The following LUZP2 variants were observed in gnomAD, a reference collection of about 807,000 sequenced individuals.
The protein encoded by LUZP2 is leucine zipper protein 2.
A neutral mutation model predicts 51.6 loss-of-function variants in LUZP2; 52 were observed. The ratio of observed to expected loss-of-function variants is 1.01; its 90% CI spans 0.81 to 1.27. LUZP2 has a LOEUF of 1.27. LUZP2 is among the 50% of genes most tolerant of loss of function. The probability of loss-of-function intolerance (pLI) is 0.00; values close to 1 mark genes in which losing one functional copy is unlikely to be tolerated. For synonymous variants in LUZP2, 154 were observed against 137.3 expected (o/e 1.12, Z -0.85); for missense variants, 436 against 395.4 (o/e 1.10, Z -0.87).
chr11:24,566,164 CAA>C (rs1252045435), intron 1 of LUZP2, among the ~76,000 whole-genome samples: 4 of 151,386 alleles, frequency 2.6e-5, no homozygotes. Flanking sequence ...GCATAGAAGA[CAA>C]AGACTTCATG....
rs201645515 is a variant in LUZP2, at chr11:24,855,429, G to A, written c.397-50562G>A. ...TTAACCCAGAGGGTGAAATATCTCC[G>A]TAAGGAAACTACTAAAACTAATGAG... is the stretch of plus-strand genomic sequence containing the variant. On this transcript the variant is annotated intron_variant, in intron 5 of 11. Transcript: ENST00000336930. Among the ~76,000 whole-genome samples the A allele has an allele frequency of 1.4e-4, 22 of 152,222 alleles. No individual in the cohort carries two copies. In the East Asian group the frequency reaches 1.5e-3, roughly 11 times the overall value.
rs11028075 is a variant in LUZP2, at chr11:24,620,700, T to A, written c.63-108469T>A. ...TATCTGTGGACAGCTGCAAAGTAAG[T>A]CCTGTGAGAAACACCCATAAGTACA... On this transcript the variant is annotated intron_variant, in intron 1 of 11. Transcript: ENST00000336930. Among the ~76,000 whole-genome samples the A allele has an allele frequency of 4.9e-3, 750 of 152,278 alleles. 30 individuals are homozygous for A. The East Asian group carries it at 0.11, about 23-fold the overall frequency.
chr11:24,787,091 T>C (rs1455010399), intron 5 of LUZP2, among the ~76,000 whole-genome samples: 1 of 152,148 alleles, frequency 6.6e-6, no homozygotes, highest in East Asian at 1.9e-4. Flanking sequence ...TCTCCTGAAA[T>C]GATTTAAAAA....
At chr11:24,591,040 T>C (rs1383052561) in intron 1 of LUZP2, among the ~76,000 whole-genome samples, 2 of 152,080 alleles carry the variant, frequency 1.3e-5, no homozygotes, top group African/African-American at 4.8e-5. Context: ...ACCCAGGAGG[T>C]TGAGGTTACA....
chr11:24,911,440 A>C (rs1276118373), intron 6 of LUZP2, among the ~76,000 whole-genome samples: 1 of 152,088 alleles, frequency 6.6e-6, no homozygotes, highest in East Asian at 1.9e-4. Flanking sequence ...GGTGGGAGGT[A>C]ATTGAATTTT....
intron 1 of LUZP2, among the ~76,000 whole-genome samples, chr11:24,679,606 G>A (rs953118103): frequency 1.3e-5 from 2 of 151,912 alleles, no homozygotes; most frequent in African/African-American, 4.8e-5. Context: ...TAAAAGATAT[G>A]GTAAGATTAA....
chr11:25,065,620 T>A (rs1001794900), intron 10 of LUZP2, among the ~76,000 whole-genome samples: 1 of 152,060 alleles, frequency 6.6e-6, no homozygotes, highest in Non-Finnish European at 1.5e-5. Flanking sequence ...AAATCTCTTA[T>A]GTGAACAGCA....
intron 9 of LUZP2, among the ~76,000 whole-genome samples, chr11:25,031,115 G>A (rs1356310808): frequency 1.4e-5 from 2 of 144,626 alleles, no homozygotes; most frequent in African/African-American, 2.5e-5. Flanking sequence ...GAATTCAAGC[G>A]ATTCTTTGGC....
intron 10 of LUZP2, among the ~76,000 whole-genome samples, chr11:25,060,548 C>T (rs1032540513): frequency 6.6e-5 from 10 of 152,188 alleles, no homozygotes; most frequent in Non-Finnish European, 1.3e-4. Context: ...TCTTTATTCA[C>T]ATTGCTGTGA....
At chr11:24,826,041 C>T (rs531561391) in intron 5 of LUZP2, among the ~76,000 whole-genome samples, 22 of 150,846 alleles carry the variant, frequency 1.5e-4, no homozygotes, top group African/African-American at 4.9e-4. Context: ...GGCGCGGTGG[C>T]GGGCGCCTGT....
At chr11:24,823,980 G>A (rs532028458) in intron 5 of LUZP2, among the ~76,000 whole-genome samples, 10 of 150,328 alleles carry the variant, frequency 6.7e-5, no homozygotes, top group Middle Eastern at 3.6e-3. Flanking sequence ...GGAGAATGGC[G>A]TGAACCCAGG....
At chr11:24,606,316 G>A (rs945173626) in intron 1 of LUZP2, among the ~76,000 whole-genome samples, 1 of 151,816 alleles carries the variant, frequency 6.6e-6, no homozygotes, top group African/African-American at 2.4e-5. Flanking sequence ...AACAGGCTTT[G>A]GATTAAATGA....
chr11:24,931,380 G>T (rs1426551858), intron 7 of LUZP2, among the ~76,000 whole-genome samples: 2 of 152,062 alleles, frequency 1.3e-5, no homozygotes, highest in African/African-American at 4.8e-5. Flanking sequence ...GAAGGGATGG[G>T]TTGCCCCTCC....
At chr11:24,857,312 T>C (rs200026279) in intron 5 of LUZP2, among the ~76,000 whole-genome samples, 60 of 133,214 alleles carry the variant, frequency 4.5e-4, no homozygotes, top group Non-Finnish European at 7.4e-4. Flanking sequence ...TACATATATA[T>C]ACACACACAC....
chr11:24,950,876 T>A (rs1389648651), intron 7 of LUZP2, among the ~76,000 whole-genome samples: 1 of 151,640 alleles, frequency 6.6e-6, no homozygotes, highest in African/African-American at 2.4e-5. Context: ...TGATGATACA[T>A]CTGTCACATG....
At chr11:24,754,979 C>G (rs1214981107) in intron 4 of LUZP2, among the ~76,000 whole-genome samples, 1 of 152,034 alleles carries the variant, frequency 6.6e-6, no homozygotes. Context: ...AACCCCGTCT[C>G]TACTAAAAAT....
At chr11:24,991,446 C>T (rs1856342203) in intron 9 of LUZP2, among the ~76,000 whole-genome samples, 2 of 145,812 alleles carry the variant, frequency 1.4e-5, no homozygotes, top group African/African-American at 4.9e-5. Context: ...ATATATCTCT[C>T]ACAGTTTCTT....
At chr11:24,706,214 A>AT (rs1406417595) in intron 1 of LUZP2, among the ~76,000 whole-genome samples, 20 of 152,238 alleles carry the variant, frequency 1.3e-4, no homozygotes, top group African/African-American at 4.8e-4. Flanking sequence ...GATAATTTCC[A>AT]TTTTTTCTCA....
intron 4 of LUZP2, among the ~76,000 whole-genome samples, chr11:24,746,918 T>C (rs2134000655): frequency 6.6e-6 from 1 of 152,336 alleles, no homozygotes; most frequent in African/African-American, 2.4e-5. Flanking sequence ...GTTTTTTCTT[T>C]GGCTATCTAT....
Sources: allele counts gnomAD v4.1 joint callset (sites outside exome capture counted in the v4.1 genomes callset), GRCh38; gene constraint gnomAD v4.1.1; transcripts MANE v1.5; gene names NCBI Gene and HGNC (gene_info 2026-07-23, HGNC 2026-07-21).